Variants in OSBPL1A observed in about 807,000 individuals in gnomAD.
The protein encoded by OSBPL1A is oxysterol-binding protein-related protein 1.
OSBPL1A carries 80 observed loss-of-function variants against 137.1 expected under a neutral mutation model. That is an observed-to-expected ratio of 0.58 (90% CI 0.49 to 0.70). The LOEUF (loss-of-function observed/expected upper bound fraction) is 0.70, where lower values mean the gene tolerates loss of function less well. Ranked by LOEUF, OSBPL1A falls within the 30% of genes least tolerant of loss-of-function variation. OSBPL1A has a pLI of 0.00. For missense variants in OSBPL1A, 970 were observed against 1,129.4 expected, an observed-to-expected ratio of 0.86 and a Z score of 2.02; for synonymous variants, 365 against 389.7, an observed-to-expected ratio of 0.94 and a Z score of 0.75.
intron 5 of OSBPL1A, among the ~76,000 whole-genome samples, chr18:24,338,079 CT>C (rs112484418): frequency 0.11 from 15,646 of 142,402 alleles, 904 homozygotes; most frequent in African/African-American, 0.18. Context: ...CTTTTTCTTT[CT>C]TTTTTTTTTT....
intron 16 of OSBPL1A, 53 bp from the exon 17 acceptor site, chr18:24,225,251 C>T (rs956767502): frequency 2.4e-5 from 38 of 1,592,644 alleles, no homozygotes; most frequent in Middle Eastern, 3.4e-4. Context: ...GTGAGGCTTC[C>T]GTAACAATGG....
chr18:24,307,035 T>C (rs983244059), intron 13 of OSBPL1A, among the ~76,000 whole-genome samples: 3 of 149,830 alleles, frequency 2.0e-5, no homozygotes, highest in Non-Finnish European at 3.0e-5. Context: ...GGCAAAAGAA[T>C]CATTTGAGCC....
intron 18 of OSBPL1A, among the ~76,000 whole-genome samples, chr18:24,186,132 T>C (rs2086740930): frequency 6.6e-6 from 1 of 152,212 alleles, no homozygotes; most frequent in African/African-American, 2.4e-5. Flanking sequence ...AAGATCAAAT[T>C]ATCTTTCTAG....
At chr18:24,317,034 C>T in intron 11 of OSBPL1A, 115 bp downstream of exon 11, 3 of 1,024,584 alleles carry the variant, frequency 2.9e-6, no homozygotes, top group Non-Finnish European at 4.4e-6. Flanking sequence ...CAAGTGTTTT[C>T]TACAGCATTC....
At chr18:24,344,955 A>C (rs2091321576) in intron 4 of OSBPL1A, among the ~76,000 whole-genome samples, 1 of 151,946 alleles carries the variant, frequency 6.6e-6, no homozygotes, top group Non-Finnish European at 1.5e-5. Flanking sequence ...CTGGGACTAC[A>C]GGCATGTGCC....
chr18:24,362,391 A>G (rs1442001922), intron 4 of OSBPL1A, among the ~76,000 whole-genome samples: 4 of 152,188 alleles, frequency 2.6e-5, no homozygotes, highest in Admixed American at 1.3e-4. Flanking sequence ...TTGAGTTAAG[A>G]CTCCATATCT....
At chr18:24,277,301 A>G (rs960266446) in intron 15 of OSBPL1A, among the ~76,000 whole-genome samples, 1 of 152,184 alleles carries the variant, frequency 6.6e-6, no homozygotes, top group Admixed American at 6.5e-5. Flanking sequence ...AAAAAAGAAA[A>G]GAAATAAACA....
At chr18:24,305,826 T>C (rs769095334) in intron 13 of OSBPL1A, among the ~76,000 whole-genome samples, 32 of 152,194 alleles carry the variant, frequency 2.1e-4, no homozygotes, top group Admixed American at 1.3e-4. Context: ...TAGGATCTGA[T>C]GGTTTTATAA....
At chr18:24,186,082 A>T (rs1437510136) in intron 18 of OSBPL1A, among the ~76,000 whole-genome samples, 2 of 152,156 alleles carry the variant, frequency 1.3e-5, no homozygotes, top group Non-Finnish European at 2.9e-5. Flanking sequence ...AATAAAATAA[A>T]ATTTTAAGAA....
At chr18:24,233,559 A>C (rs1325935204) in intron 16 of OSBPL1A, among the ~76,000 whole-genome samples, 1 of 152,214 alleles carries the variant, frequency 6.6e-6, no homozygotes, top group Non-Finnish European at 1.5e-5. Flanking sequence ...AAGCATTTAG[A>C]GAACTCTGAT....
rs376231951 is a variant in OSBPL1A at position 24,377,519 on chromosome 18, C to G, written c.15G>C (p.Ala5=). 15 of 1,603,448 alleles carry G rather than the reference C, an allele frequency of 9.4e-6. No individual in the cohort carries two copies. The highest frequency in any genetic ancestry group is 2.2e-5 in the East Asian group (1 of 44,606). Reference sequence around the variant, plus strand: ...TGGCGTGATGGAGAAGCTGTTGCTCCGCTTCTGTGTTCATTTCTAAATTAA... The same window carrying G: ...TGGCGTGATGGAGAAGCTGTTGCTCGGCTTCTGTGTTCATTTCTAAATTAA... MNTE[A]EQQLLHHARN... is the part of the protein sequence containing the mutation. Residue 5 remains alanine, a synonymous_variant, in exon 2 of 28, where the codon GCG becomes GCC. Coordinates refer to ENST00000319481, the MANE Select transcript of OSBPL1A (RefSeq NM_080597.4).
At chr18:24,182,970 G>A (rs1243727986) in intron 18 of OSBPL1A, among the ~76,000 whole-genome samples, 2 of 151,846 alleles carry the variant, frequency 1.3e-5, no homozygotes, top group Non-Finnish European at 2.9e-5. Flanking sequence ...CCAGGTTCAC[G>A]CAATTCTCCT....
chr18:24,377,291 G>C, intron 2 of OSBPL1A, 122 bp downstream of exon 2: 1 of 1,223,308 alleles, frequency 8.2e-7, no homozygotes, highest in African/African-American at 1.5e-5. Flanking sequence ...AATCTGTGGG[G>C]TTCTTCCTAG....
rs779291481 is a variant in OSBPL1A, at chr18:24,280,965, A to T, written c.1175-17T>A. 2.0e-6 allele frequency: 3 copies of T among 1,528,470 alleles called. No homozygotes were observed. In the African/African-American group the frequency reaches 4.2e-5, roughly 21 times the overall value. 94.7% of individuals were successfully genotyped at this position (1,528,470 alleles called of 1,614,324 possible). The stretch of plus-strand genomic sequence containing the variant: ...GAAGCATTTCTATAAAGAAAAAAAT[A>T]AATACAGTGAGTCGGATTTTAAGGA... On this transcript the variant is annotated splice_polypyrimidine_tract_variant and intron_variant, in intron 14 of 27. Coordinates refer to ENST00000319481, the MANE Select transcript of OSBPL1A (RefSeq NM_080597.4).
At chr18:24,317,037 C>T (rs1182028374) in intron 11 of OSBPL1A, 112 bp downstream of exon 11, 18 of 1,044,102 alleles carry the variant, frequency 1.7e-5, no homozygotes, top group Non-Finnish European at 2.6e-5. Context: ...GTGTTTTCTA[C>T]AGCATTCCAC....
chr18:24,335,711 C>T (rs2091164089), intron 5 of OSBPL1A, among the ~76,000 whole-genome samples: 1 of 152,136 alleles, frequency 6.6e-6, no homozygotes, highest in African/African-American at 2.4e-5. Flanking sequence ...GTTGGGGAGC[C>T]AGGTGACTGG....
intron 15 of OSBPL1A, among the ~76,000 whole-genome samples, chr18:24,258,925 CTTTTTTTTT>C (rs543867145): frequency 1.1e-5 from 1 of 92,728 alleles, no homozygotes; most frequent in Non-Finnish European, 2.1e-5. Context: ...AAAATTACAT[CTTTTTTTTT>C]TTTTTTTTTT....
chr18:24,271,103 C>T lies in OSBPL1A; in HGVS notation c.1281+9739G>A, dbSNP rs964666263. Among the ~76,000 whole-genome samples, 2 of 152,176 alleles carry T rather than the reference C, an allele frequency of 1.3e-5. No homozygotes were observed. The highest frequency in any genetic ancestry group is 6.5e-5 in the Admixed American group (1 of 15,272). On this transcript the variant is annotated intron_variant, in intron 15 of 27. Coordinates refer to ENST00000319481, the MANE Select transcript of OSBPL1A (RefSeq NM_080597.4). The surrounding 1 kb of genome is among the most constrained non-coding windows in gnomAD (Gnocchi z 4.0). ...AAAACATTAAAGTTAAAAGCCACCT[C>T]CCCATTCCCCAACACAAATAGAATT...
At chr18:24,279,083 T>A (rs1824517009) in intron 15 of OSBPL1A, among the ~76,000 whole-genome samples, 1 of 152,104 alleles carries the variant, frequency 6.6e-6, no homozygotes, top group Non-Finnish European at 1.5e-5. Context: ...TAAATTAATA[T>A]GTAGAATTGG....
Sources: gnomAD v4.1 joint callset for allele counts (sites outside exome capture counted in the v4.1 genomes callset) on GRCh38, gnomAD v4.1.1 for gene constraint, Gnocchi (gnomAD v3.1) non-coding constraint, MANE v1.5 for transcripts, NCBI Gene and HGNC (gene_info 2026-07-23, HGNC 2026-07-21) for gene names.